NFATC2: variants seen among roughly 807,000 people sequenced by gnomAD.
NFATC2 encodes nuclear factor of activated T-cells, cytoplasmic 2.
NFATC2 carries 22 observed loss-of-function variants against 87.3 expected under a neutral mutation model. The observed-to-expected ratio is 0.25, with a 90% CI of 0.18 to 0.36. The LOEUF (loss-of-function observed/expected upper bound fraction) is 0.36. Ranked by LOEUF, NFATC2 falls within the 10% of genes least tolerant of loss-of-function variation. The pLI is 1.00. For synonymous variants in NFATC2, 565 were observed against 542.2 expected (o/e 1.04, Z -0.58); for missense variants, 1,149 against 1,259.1 (o/e 0.91, Z 1.32).
At chr20:51,411,226 T>C (rs924163920) in intron 9 of NFATC2, among the ~76,000 whole-genome samples, 1 of 152,200 alleles carries the variant, frequency 6.6e-6, no homozygotes, top group Non-Finnish European at 1.5e-5. Flanking sequence ...AGCAATGATT[T>C]GCATCCAGAA....
chr20:51,562,795 G>A (rs1048516910), upstream of NFATC2: 1 of 587,352 alleles, frequency 1.7e-6, no homozygotes, highest in Non-Finnish European at 2.9e-6. The surrounding 1 kb of genome is among the most constrained non-coding windows in gnomAD (Gnocchi z 5.8). Flanking sequence ...CCGGCTCGGC[G>A]GAGTCGGCGC....
At chr20:51,442,307 C>G (rs1984453083) in intron 6 of NFATC2, among the ~76,000 whole-genome samples, 2 of 152,118 alleles carry the variant, frequency 1.3e-5, no homozygotes, top group African/African-American at 4.8e-5. Flanking sequence ...TGGCACGTGC[C>G]TGTAATTCCA....
chr20:51,397,489 A>T (rs1031912208), intron 10 of NFATC2, among the ~76,000 whole-genome samples: 1 of 152,210 alleles, frequency 6.6e-6, no homozygotes, highest in Non-Finnish European at 1.5e-5. Context: ...AAAGTCCCCA[A>T]GCCCAAGACA....
chr20:51,444,245 G>A (rs1229271397), intron 6 of NFATC2, among the ~76,000 whole-genome samples: 1 of 151,960 alleles, frequency 6.6e-6, no homozygotes, highest in Non-Finnish European at 1.5e-5. Flanking sequence ...GCCTCCCAAA[G>A]TGCTGGGATT....
At chr20:51,421,431 C>T (rs942826979) in intron 9 of NFATC2, among the ~76,000 whole-genome samples, 16 of 152,144 alleles carry the variant, frequency 1.1e-4, no homozygotes, top group African/African-American at 2.7e-4. Flanking sequence ...ACAATTCAAA[C>T]GCCTAATGGG....
intron 9 of NFATC2, among the ~76,000 whole-genome samples, chr20:51,409,643 C>T (rs909571112): frequency 6.6e-6 from 1 of 152,192 alleles, no homozygotes; most frequent in African/African-American, 2.4e-5. Context: ...TTGCCAAAAG[C>T]ATCGAAGCTG....
chr20:51,520,342 C>T (rs915663806), intron 2 of NFATC2, among the ~76,000 whole-genome samples: 13 of 152,084 alleles, frequency 8.5e-5, no homozygotes, highest in African/African-American at 3.1e-4. Flanking sequence ...TCAATGTAGT[C>T]ATTAACTAGC....
At chr20:51,450,941 CTT>C (rs1177531012) in intron 6 of NFATC2, among the ~76,000 whole-genome samples, 3 of 152,240 alleles carry the variant, frequency 2.0e-5, no homozygotes, top group African/African-American at 7.2e-5. Context: ...TCCACAAATG[CTT>C]AATTGATGCC....
In NFATC2 at chr20:51,480,457, CCTCT is replaced by C. The variant is rs1465838734; in HGVS notation, c.1333-4801_1333-4798del. 6.6e-6 allele frequency among the ~76,000 whole-genome samples: 1 copy of C among 152,154 alleles called. No homozygotes were observed. The highest frequency in any genetic ancestry group is 2.4e-5 in the African/African-American group (1 of 41,416). ...ACCTCTTTAGGAAAGCCAAGAATGG[CCTCT>C]CTGAGTTGAAGAGCAGCCTCTGGGT... On this transcript the variant is annotated intron_variant, in intron 3 of 10. Transcript: ENST00000371564. The surrounding 1 kb of genome is among the most constrained non-coding windows in gnomAD (Gnocchi z 4.2).
chr20:51,446,940 C>T (rs909016528), intron 6 of NFATC2, among the ~76,000 whole-genome samples: 4 of 152,208 alleles, frequency 2.6e-5, no homozygotes, highest in African/African-American at 9.6e-5. Context: ...CATCTAGAGA[C>T]TCCCATACCA....
Position 51,562,176 on chromosome 20 carries a change from A to C in NFATC2, c.70+384T>G, listed in dbSNP as rs2077038444. ...TAAAAGAAAAAAAAGTAATAATAAT[A>C]ATACTGCAGCGTTATGGCATTTGCT... On this transcript the variant is annotated intron_variant, in intron 1 of 10. Coordinates refer to the NFATC2 transcript ENST00000414705. The surrounding 1 kb of genome is among the most constrained non-coding windows in gnomAD (Gnocchi z 5.8). 6.6e-6 allele frequency among the ~76,000 whole-genome samples: 1 copy of C among 152,242 alleles called. No homozygotes were observed. Among genetic ancestry groups the C allele is most frequent in the Non-Finnish European group, 1.5e-5 (1 of 68,040 alleles).
At chr20:51,441,522 C>T (rs149247148) in intron 6 of NFATC2, among the ~76,000 whole-genome samples, 4,618 of 152,016 alleles carry the variant, frequency 0.03, 233 homozygotes, top group African/African-American at 0.1. Flanking sequence ...TCGAGACCCA[C>T]CTGACCAACA....
In NFATC2 at chr20:51,432,287, G is replaced by C; in HGVS notation, c.2502C>G (p.Cys834Trp). The change falls in exon 9 of 11, where the codon TGC becomes TGG. Residue 834 changes from cysteine to tryptophan, a missense_variant. Cys to Trp is a radical substitution (Grantham distance 215). Around this residue, in one of 3 missense-constraint regions of NFATC2, gnomAD observed 581 missense variants for 649.7 expected, o/e 0.89. Transcript: ENST00000371564. The surrounding 1 kb of genome is among the most constrained non-coding windows in gnomAD (Gnocchi z 4.6). ...SHQEFQHIMY[C>W]ENFAPGTTRP... ...TGGTGGTGCCTGGTGCGAAATTCTC[G>C]CAGTACATGATGTGCTGGAACTCCT... 1 of 1,614,202 alleles carries C rather than the reference G, an allele frequency of 6.2e-7. No individual in the cohort carries two copies. The highest frequency in any genetic ancestry group is 1.7e-4 in the Middle Eastern group (1 of 6,060).
intron 1 of NFATC2, among the ~76,000 whole-genome samples, chr20:51,535,913 T>A (rs897062846): frequency 6.6e-5 from 10 of 151,480 alleles, no homozygotes; most frequent in African/African-American, 2.4e-4. Flanking sequence ...GTCGGGAGGG[T>A]CCCAAATACC....
chr20:51,425,571 T>C (rs1198260308), intron 9 of NFATC2, among the ~76,000 whole-genome samples: 1 of 152,234 alleles, frequency 6.6e-6, no homozygotes, highest in African/African-American at 2.4e-5. Context: ...ACGGCAGGGC[T>C]CTGCGGTGAC....
At chr20:51,503,667 C>T (rs746050537) in intron 3 of NFATC2, among the ~76,000 whole-genome samples, 1 of 152,190 alleles carries the variant, frequency 6.6e-6, no homozygotes, top group African/African-American at 2.4e-5. Flanking sequence ...CAGCCCACAG[C>T]GAGGCTGCAC....
intron 5 of NFATC2, among the ~76,000 whole-genome samples, chr20:51,457,972 G>C (rs533639821): frequency 8.7e-5 from 13 of 149,752 alleles, no homozygotes; most frequent in Middle Eastern, 3.4e-3. Context: ...TGCAGCCTCT[G>C]CCTCCTGGGC....
intron 3 of NFATC2, among the ~76,000 whole-genome samples, chr20:51,492,361 A>C (rs1443762983): frequency 6.6e-6 from 1 of 152,132 alleles, no homozygotes; most frequent in African/African-American, 2.4e-5. Flanking sequence ...CGCAATCAAC[A>C]GGCAGGAGTG....
rs867679254 is a variant in NFATC2 at position 51,435,160 on chromosome 20, C to G, written c.2032+28G>C. The G allele has an allele frequency of 5.6e-6, 9 of 1,612,948 alleles. 1 individual carries two copies. Among genetic ancestry groups the G allele is most frequent in the Middle Eastern group, 3.3e-4 (2 of 6,076 alleles). ...CTGTGCCTGTACTGCCTCTCAATAACAAAGGGGTCATCAGAAACACTCCTT... is the reference window on the plus strand; with the variant it reads ...CTGTGCCTGTACTGCCTCTCAATAAGAAAGGGGTCATCAGAAACACTCCTT... On this transcript the variant is annotated intron_variant, in intron 8 of 10. Transcript: ENST00000371564.
Sources: allele counts gnomAD v4.1 joint callset (sites outside exome capture counted in the v4.1 genomes callset), GRCh38; gene constraint gnomAD v4.1.1; regional missense constraint gnomAD v4.1.1; non-coding constraint Gnocchi (gnomAD v3.1); transcripts MANE v1.5; gene names NCBI Gene and HGNC (gene_info 2026-07-23, HGNC 2026-07-21).